Variants in RUNX1T1 observed in about 807,000 individuals in gnomAD.
RUNX1T1 encodes protein CBFA2T1.
Under a neutral mutation model 62.8 loss-of-function variants are expected in RUNX1T1, and 4 were observed. The ratio of observed to expected loss-of-function variants is 0.06; its 90% CI spans 0.03 to 0.15. The LOEUF (loss-of-function observed/expected upper bound fraction) is 0.15. Among genes scored for constraint, RUNX1T1 ranks in the 10% least tolerant of loss-of-function variants. The pLI is 1.00. For missense variants in RUNX1T1, 508 were observed against 754.3 expected (o/e 0.67, Z 3.82); for synonymous variants, 291 against 286.0 (o/e 1.02, Z -0.18).
upstream of RUNX1T1, among the ~76,000 whole-genome samples, chr8:92,064,858 T>C (rs1183682248): frequency 3.9e-5 from 6 of 152,330 alleles, no homozygotes; most frequent in African/African-American, 1.2e-4. Flanking sequence ...TGTGTGATTA[T>C]GTATCTTTTC....
rs951202311 is a variant in RUNX1T1, at chr8:92,050,243, T to C, written c.7+12303A>G. 2.0e-5 allele frequency among the ~76,000 whole-genome samples: 3 copies of C among 152,160 alleles called. No individual in the cohort carries two copies. The South Asian group carries it at 6.2e-4, about 32-fold the overall frequency. ...AGATTTTGCCATATAATTCCTTGAG[T>C]ATTTTTTCTTAAATAATTCTAGATC... On this transcript the variant is annotated intron_variant, in intron 1 of 10. Transcript: ENST00000396218.
chr8:91,986,191 T>C, exon 8 of RUNX1T1: 2 of 1,612,852 alleles, frequency 1.2e-6, no homozygotes, highest in East Asian at 4.5e-5. Context: ...TGCCGCCACC[T>C]TTTTTTAAGT....
intron 1 of RUNX1T1, among the ~76,000 whole-genome samples, chr8:92,058,924 G>A (rs911839732): frequency 6.6e-6 from 1 of 152,060 alleles, no homozygotes; most frequent in African/African-American, 2.4e-5. Context: ...TCAAGAAAAA[G>A]ATTAAACAAT....
chr8:92,007,061 T>G (rs1189921646), intron 4 of RUNX1T1, among the ~76,000 whole-genome samples: 1 of 152,236 alleles, frequency 6.6e-6, no homozygotes, highest in Non-Finnish European at 1.5e-5. Flanking sequence ...TTGTATATAT[T>G]TTTTAAACTA....
At chr8:92,042,724 C>A (rs1828687177) in intron 1 of RUNX1T1, among the ~76,000 whole-genome samples, 1 of 152,182 alleles carries the variant, frequency 6.6e-6, no homozygotes, top group Non-Finnish European at 1.5e-5. Context: ...AAAATTTATG[C>A]AACAGCTGGA....
chr8:92,080,399 G>A (rs1302111376), intron 1 of RUNX1T1, among the ~76,000 whole-genome samples: 3 of 152,198 alleles, frequency 2.0e-5, no homozygotes, highest in Non-Finnish European at 4.4e-5. Context: ...CACTGGTGCT[G>A]TATAGAGATA....
At chr8:91,986,358 T>C (rs767632335) in intron 7 of RUNX1T1, 33 bp from the exon 9 acceptor site, 7 of 1,509,070 alleles carry the variant, frequency 4.6e-6, no homozygotes, top group Admixed American at 3.3e-5. Context: ...GGGAAGAGCA[T>C]ATAAATCATC....
rs1387790336 is a variant in RUNX1T1 at position 92,081,380 on chromosome 8, CAT to C, written c.-85-5245_-85-5244del. ...CACTACTCAAAAATATCAGTACAAT[CAT>C]AATCTTTTTCTTTCTGAAAGTAATT... On this transcript the variant is annotated intron_variant, in intron 1 of 11. Transcript: ENST00000265814. 9 of 299,690 alleles carry C rather than the reference CAT, an allele frequency of 3.0e-5. No homozygotes were observed. The South Asian group carries it at 5.2e-4, about 17-fold the overall frequency. The allele number at this position is 299,690 out of a possible 1,614,324, so 18.6% of individuals were successfully genotyped here.
At chr8:91,982,960 C>A (rs1815711790) in intron 8 of RUNX1T1, among the ~76,000 whole-genome samples, 1 of 140,692 alleles carries the variant, frequency 7.1e-6, no homozygotes, top group South Asian at 2.3e-4. Flanking sequence ...CAGAGTCTTG[C>A]CCTGTCGTCT....
intron 2 of RUNX1T1, chr8:92,071,279 G>A (rs550276826): frequency 6.6e-6 from 1 of 151,982 alleles, no homozygotes; most frequent in Admixed American, 6.6e-5. Context: ...TTCCAAAACC[G>A]CCTCATAAAA....
chr8:92,090,103 C>T (rs1047860253), intron 1 of RUNX1T1, among the ~76,000 whole-genome samples: 13 of 151,904 alleles, frequency 8.6e-5, no homozygotes, highest in African/African-American at 2.7e-4. Context: ...GGAATGCACC[C>T]CAGGCCACCC....
chr8:91,997,929 A>C (rs1448781469), intron 5 of RUNX1T1, among the ~76,000 whole-genome samples: 1 of 152,128 alleles, frequency 6.6e-6, no homozygotes, highest in Non-Finnish European at 1.5e-5. Context: ...AAGTCTGGAG[A>C]CTTACTTTAT....
chr8:92,060,553 ATGTGTGTGTGTGTGTG>A (rs1271953758), intron 1 of RUNX1T1, among the ~76,000 whole-genome samples: 1 of 63,974 alleles, frequency 1.6e-5, no homozygotes, highest in Non-Finnish European at 3.2e-5. Flanking sequence ...ATATATATAT[ATGTGTGTGTGTGTGTG>A]TGTGTGTGTG....
chr8:92,095,548 C>A, intron 1 of RUNX1T1: 2 of 1,463,206 alleles, frequency 1.4e-6, no homozygotes, highest in Non-Finnish European at 1.8e-6. Context: ...ATCAGCAGGG[C>A]CCAGATGGAG....
At chr8:91,958,048 A>G, downstream of RUNX1T1, 1 of 211,254 alleles carries the variant, frequency 4.7e-6, no homozygotes, top group Non-Finnish European at 9.7e-6. Flanking sequence ...CTATGCAGAT[A>G]CTTAAAAGCC....
chr8:92,060,553 A>ATATATATATG, intron 1 of RUNX1T1, among the ~76,000 whole-genome samples: 25 of 63,936 alleles, frequency 3.9e-4, no homozygotes, highest in African/African-American at 9.8e-4. Context: ...ATATATATAT[A>ATATATATATG]TGTGTGTGTG....
chr8:92,053,133 C>T (rs1330937448), intron 1 of RUNX1T1, among the ~76,000 whole-genome samples: 1 of 151,612 alleles, frequency 6.6e-6, no homozygotes, highest in Non-Finnish European at 1.5e-5. Flanking sequence ...TAAAATCATT[C>T]AAATTTTTAA....
intron 1 of RUNX1T1, among the ~76,000 whole-genome samples, chr8:92,083,036 T>G (rs1250530081): frequency 6.6e-6 from 1 of 152,206 alleles, no homozygotes; most frequent in Non-Finnish European, 1.5e-5. Context: ...AATTGTTCGA[T>G]CTCATAAAAA....
At chr8:92,077,017 G>A (rs1369144274) in intron 1 of RUNX1T1, among the ~76,000 whole-genome samples, 5 of 151,988 alleles carry the variant, frequency 3.3e-5, no homozygotes, top group Non-Finnish European at 7.4e-5. Flanking sequence ...AGTCTCAAAA[G>A]GAATTACTAA....
Sources: gnomAD v4.1 joint callset for allele counts (sites outside exome capture counted in the v4.1 genomes callset) on GRCh38, gnomAD v4.1.1 for gene constraint, MANE v1.5 for transcripts, NCBI Gene and HGNC (gene_info 2026-07-23, HGNC 2026-07-21) for gene names.